ERBB4: variants seen among roughly 807,000 people sequenced by gnomAD.
ERBB4 encodes the protein receptor tyrosine-protein kinase erbB-4.
A neutral mutation model predicts 158.0 loss-of-function variants in ERBB4; 42 were observed. The ratio of observed to expected loss-of-function variants is 0.27; its 90% CI spans 0.21 to 0.34. The LOEUF is 0.34. ERBB4 is among the 10% of genes least tolerant of loss of function. The pLI is 1.00. For synonymous variants in ERBB4, 583 were observed against 558.7 expected, an observed-to-expected ratio of 1.04 and a Z score of -0.61; for missense variants, 1,333 against 1,624.1, an observed-to-expected ratio of 0.82 and a Z score of 3.08.
At chr2:212,438,228 C>T (rs2092179543) in intron 1 of ERBB4, among the ~76,000 whole-genome samples, 2 of 151,962 alleles carry the variant, frequency 1.3e-5, no homozygotes, top group Non-Finnish European at 2.9e-5. Context: ...GTTTTGGAGC[C>T]AGACTTAGAT....
intron 2 of ERBB4, among the ~76,000 whole-genome samples, chr2:212,111,254 T>C (rs1461722524): frequency 6.6e-6 from 1 of 152,236 alleles, no homozygotes; most frequent in Non-Finnish European, 1.5e-5. Context: ...ATAATGATTA[T>C]TGAATACATC....
intron 1 of ERBB4, among the ~76,000 whole-genome samples, chr2:212,306,365 C>T: frequency 6.6e-6 from 1 of 151,424 alleles, no homozygotes; most frequent in East Asian, 2.0e-4. Context: ...ACACAAACCC[C>T]ATCTTAGCAC....
chr2:212,262,205 T>C (rs896065746), intron 1 of ERBB4, among the ~76,000 whole-genome samples: 2 of 152,166 alleles, frequency 1.3e-5, no homozygotes, highest in Admixed American at 6.5e-5. Flanking sequence ...GGCTTTTATG[T>C]TTCTTTCAAC....
At chr2:211,898,133 A>C (rs1304862168) in intron 3 of ERBB4, among the ~76,000 whole-genome samples, 1 of 152,002 alleles carries the variant, frequency 6.6e-6, no homozygotes, top group African/African-American at 2.4e-5. Context: ...TTTAAGAGTT[A>C]GTCAGTAGCT....
chr2:211,714,250 G>T (rs977807199), intron 7 of ERBB4, among the ~76,000 whole-genome samples: 5 of 152,204 alleles, frequency 3.3e-5, no homozygotes, highest in African/African-American at 1.2e-4. Context: ...GCAGTCCAGT[G>T]ACATGGGATA....
intron 19 of ERBB4, among the ~76,000 whole-genome samples, chr2:211,571,819 G>A (rs2067737570): frequency 6.6e-6 from 1 of 152,054 alleles, no homozygotes; most frequent in African/African-American, 2.4e-5. Flanking sequence ...CTCCATTCCA[G>A]GAATCAACCC....
At chr2:212,060,195 G>C (rs1420543392) in intron 2 of ERBB4, among the ~76,000 whole-genome samples, 7 of 152,182 alleles carry the variant, frequency 4.6e-5, no homozygotes, top group Admixed American at 1.3e-4. Context: ...GCAGCCAACA[G>C]ACACATGAAA....
intron 1 of ERBB4, among the ~76,000 whole-genome samples, chr2:212,537,649 C>T (rs1031727642): frequency 6.6e-6 from 1 of 152,146 alleles, no homozygotes; most frequent in African/African-American, 2.4e-5. Context: ...GTTTGAAGGA[C>T]TCCGGCCAAT....
intron 12 of ERBB4, among the ~76,000 whole-genome samples, chr2:211,687,441 G>A (rs550608425): frequency 2.0e-5 from 3 of 152,168 alleles, no homozygotes; most frequent in Admixed American, 2.0e-4. Context: ...AGGGAGATTG[G>A]CCTGGTGAGA....
At chr2:211,783,443 G>T (rs2076082719) in intron 4 of ERBB4, among the ~76,000 whole-genome samples, 1 of 152,184 alleles carries the variant, frequency 6.6e-6, no homozygotes, top group Non-Finnish European at 1.5e-5. Context: ...CCTGTCTTGT[G>T]CCAGTTTTCA....
chr2:211,631,454 A>T (rs373166855), intron 16 of ERBB4, among the ~76,000 whole-genome samples: 1 of 152,218 alleles, frequency 6.6e-6, no homozygotes, highest in African/African-American at 2.4e-5. Flanking sequence ...ACACTCATAA[A>T]AGAGGTTTGC....
intron 20 of ERBB4, among the ~76,000 whole-genome samples, chr2:211,441,529 C>T (rs2063976137): frequency 6.6e-6 from 1 of 152,054 alleles, no homozygotes; most frequent in Non-Finnish European, 1.5e-5. Flanking sequence ...CTCATAGATG[C>T]TCATGGATAA....
At chr2:211,401,512 A>G (rs951429663) in intron 25 of ERBB4, among the ~76,000 whole-genome samples, 2 of 152,076 alleles carry the variant, frequency 1.3e-5, no homozygotes, top group East Asian at 1.9e-4. Flanking sequence ...GTATGCTTCA[A>G]TTGAATTTTT....
In ERBB4 at chr2:211,783,315, C is replaced by T. The variant is rs1466349927; in HGVS notation, c.556+4710G>A. 9.2e-5 allele frequency among the ~76,000 whole-genome samples: 14 copies of T among 152,286 alleles called. No homozygotes were observed. In the South Asian group the frequency reaches 2.1e-3, roughly 23 times the overall value. Reference sequence around the variant, plus strand: ...AATATATAATCATGTCATCTGCAAACGGGACAATTAGACTTCCTCTTTTCC... The same window carrying T: ...AATATATAATCATGTCATCTGCAAATGGGACAATTAGACTTCCTCTTTTCC... On this transcript the variant is annotated intron_variant, in intron 4 of 27. Transcript: ENST00000342788.
intron 3 of ERBB4, among the ~76,000 whole-genome samples, chr2:211,814,704 T>G (rs549773692): frequency 5.8e-4 from 89 of 152,198 alleles, no homozygotes; most frequent in African/African-American, 1.7e-3. Flanking sequence ...TCAAAACAGG[T>G]AGAAACTCAC....
At chr2:212,277,831 C>T (rs753099716) in intron 1 of ERBB4, among the ~76,000 whole-genome samples, 3 of 151,514 alleles carry the variant, frequency 2.0e-5, no homozygotes, top group African/African-American at 4.8e-5. Flanking sequence ...AGAAGGGGTG[C>T]TTATTAAATA....
intron 16 of ERBB4, among the ~76,000 whole-genome samples, chr2:211,633,798 A>G (rs987056820): frequency 2.6e-5 from 4 of 151,488 alleles, no homozygotes; most frequent in Non-Finnish European, 5.9e-5. Context: ...AGCAAAAGAA[A>G]GATTTTGATG....
At chr2:211,497,137 G>C (rs1261685948) in intron 20 of ERBB4, among the ~76,000 whole-genome samples, 1 of 151,972 alleles carries the variant, frequency 6.6e-6, no homozygotes, top group Non-Finnish European at 1.5e-5. Context: ...TAATATAAAT[G>C]TTGTTATAAA....
At chr2:211,814,768 AAAT>A (rs2076842401) in intron 3 of ERBB4, among the ~76,000 whole-genome samples, 1 of 152,228 alleles carries the variant, frequency 6.6e-6, no homozygotes, top group Non-Finnish European at 1.5e-5. Context: ...CTAATTTAAC[AAAT>A]AATAAAATCA....
Sources: allele counts gnomAD v4.1 joint callset (sites outside exome capture counted in the v4.1 genomes callset), GRCh38; gene constraint gnomAD v4.1.1; transcripts MANE v1.5; gene names NCBI Gene and HGNC (gene_info 2026-07-23, HGNC 2026-07-21).